The following TMCO5A variants were observed in gnomAD, a reference collection of about 807,000 sequenced individuals.
TMCO5A encodes the protein transmembrane and coiled-coil domains 5A, also known as transmembrane and coiled-coil domain-containing protein 5A.
In TMCO5A, 34 loss-of-function variants were observed where a neutral mutation model predicts 42.3. That is an observed-to-expected ratio of 0.80 (90% CI 0.61 to 1.07). TMCO5A has a LOEUF of 1.07. Among genes scored for constraint, TMCO5A ranks in the 50% least tolerant of loss-of-function variants. The pLI is 0.00. For missense variants in TMCO5A, 357 were observed against 327.9 expected (o/e 1.09, Z -0.69); for synonymous variants, 131 against 115.6 (o/e 1.13, Z -0.86).
rs766033801 is a variant in TMCO5A, at chr15:37,951,019, T to C, written c.669-17T>C. On this transcript the variant is annotated splice_polypyrimidine_tract_variant and intron_variant, in intron 11 of 11. Transcript: ENST00000319669. ...TCTAAGCTTCTGGTTAACAGTTTCA[T>C]GGCATTCTCTTTTTAGGATTTTTTG... 40 of 1,608,826 alleles carry C rather than the reference T, an allele frequency of 2.5e-5. No individual in the cohort carries two copies. The highest frequency in any genetic ancestry group is 3.3e-5 in the Non-Finnish European group (39 of 1,178,238).
chr15:37,954,979 A>G (rs1890250028), downstream of TMCO5A, among the ~76,000 whole-genome samples: 1 of 152,070 alleles, frequency 6.6e-6, no homozygotes, highest in Non-Finnish European at 1.5e-5. Flanking sequence ...AAACTAAATT[A>G]TATCACCAGA....
At chr15:37,970,409 A>G (rs1054299224), downstream of TMCO5A, among the ~76,000 whole-genome samples, 5 of 152,174 alleles carry the variant, frequency 3.3e-5, no homozygotes, top group African/African-American at 9.7e-5. Context: ...ACTATCTCCC[A>G]CCAGGTCCCT....
chr15:38,002,654 T>C, the TMCO5A span, among the ~76,000 whole-genome samples: 1 of 152,154 alleles, frequency 6.6e-6, no homozygotes, highest in Non-Finnish European at 1.5e-5. Flanking sequence ...TGTTCTTTAG[T>C]ATGTCAATTG....
intron 3 of TMCO5A, 108 bp downstream of exon 3, chr15:37,936,571 G>A: frequency 2.2e-6 from 3 of 1,374,542 alleles, no homozygotes; most frequent in Non-Finnish European, 2.0e-6. Flanking sequence ...ACCTTGTGTG[G>A]CAAAAAGTTA....
the TMCO5A span, among the ~76,000 whole-genome samples, chr15:38,017,668 C>T: frequency 6.6e-6 from 1 of 152,094 alleles, no homozygotes; most frequent in Non-Finnish European, 1.5e-5. Context: ...GAAAACACAG[C>T]TTTTAGAAGT....
At chr15:37,999,218 T>C in the TMCO5A span, among the ~76,000 whole-genome samples, 2 of 152,230 alleles carry the variant, frequency 1.3e-5, no homozygotes, top group African/African-American at 4.8e-5. Context: ...ATCAGTGTTG[T>C]ATAGTTTTAA....
chr15:37,950,468 A>G (rs753637686), intron 11 of TMCO5A, among the ~76,000 whole-genome samples: 8 of 152,182 alleles, frequency 5.3e-5, no homozygotes, highest in Non-Finnish European at 8.8e-5. Context: ...GATTGATATC[A>G]AGAACATGAA....
At chr15:37,968,715 T>C (rs1021740178), downstream of TMCO5A, among the ~76,000 whole-genome samples, 2 of 151,830 alleles carry the variant, frequency 1.3e-5, no homozygotes, top group Non-Finnish European at 2.9e-5. Flanking sequence ...CCCAAGTAGC[T>C]GGGGTTACAG....
At chr15:37,970,867 T>C (rs552947487), downstream of TMCO5A, among the ~76,000 whole-genome samples, 1 of 152,358 alleles carries the variant, frequency 6.6e-6, no homozygotes, top group Non-Finnish European at 1.5e-5. Context: ...TTTCCCATAG[T>C]CTTGGGCAGC....
chr15:38,010,062 A>T, the TMCO5A span, among the ~76,000 whole-genome samples: 4 of 151,996 alleles, frequency 2.6e-5, no homozygotes, highest in African/African-American at 9.7e-5. Context: ...CCTAAACTCA[A>T]TTGCAGGTAT....
chr15:37,942,088 A>T lies in TMCO5A; in HGVS notation c.505-103A>T, dbSNP rs959513006. 14 of 1,076,716 alleles carry T rather than the reference A, an allele frequency of 1.3e-5. No individual in the cohort carries two copies. The Admixed American group carries it at 2.0e-4, about 15-fold the overall frequency. 66.7% of individuals were successfully genotyped at this position (1,076,716 alleles called of 1,614,324 possible). ...AAGCAGAGAAAGTGGCAGTGGGAAT[A>T]CCAAGCATTCATGGTATCATGTAAT... On this transcript the variant is annotated intron_variant, in intron 8 of 11. Coordinates refer to ENST00000319669, the MANE Select transcript of TMCO5A (RefSeq NM_152453.4).
chr15:37,951,919 G>A (rs1034597923), downstream of TMCO5A, among the ~76,000 whole-genome samples: 1 of 152,072 alleles, frequency 6.6e-6, no homozygotes, highest in Admixed American at 6.6e-5. Flanking sequence ...CAGCAAGGGT[G>A]TGGTGTGGAG....
chr15:38,005,949 C>A, the TMCO5A span, among the ~76,000 whole-genome samples: 3 of 152,174 alleles, frequency 2.0e-5, no homozygotes, highest in Non-Finnish European at 2.9e-5. Flanking sequence ...TAGGAACAAA[C>A]CCCCTTCCAA....
chr15:37,980,682 A>ATGG, the TMCO5A span, among the ~76,000 whole-genome samples: 13 of 148,852 alleles, frequency 8.7e-5, no homozygotes, highest in African/African-American at 3.2e-4. Context: ...CTTTCTTTCT[A>ATGG]CACTGAATGG....
chr15:37,972,516 T>C (rs1010260053), downstream of TMCO5A, among the ~76,000 whole-genome samples: 1 of 152,250 alleles, frequency 6.6e-6, no homozygotes, highest in Non-Finnish European at 1.5e-5. Flanking sequence ...GGTTTTGATT[T>C]ACATTTCTCT....
chr15:37,958,913 T>C (rs569016196), intron 11 of TMCO5A, among the ~76,000 whole-genome samples: 13 of 152,202 alleles, frequency 8.5e-5, no homozygotes, highest in Non-Finnish European at 1.6e-4. Context: ...ATGTGGCACA[T>C]ATACACCATG....
At chr15:37,957,357 C>A (rs540696617) in intron 11 of TMCO5A, among the ~76,000 whole-genome samples, 1 of 152,108 alleles carries the variant, frequency 6.6e-6, no homozygotes, top group East Asian at 1.9e-4. Flanking sequence ...GTCTCAGCCC[C>A]AAATCTCCTT....
rs1216480749 is a variant in TMCO5A at position 37,936,778 on chromosome 15, A to G, written c.141-69A>G. 5 of 1,594,244 alleles carry G rather than the reference A, an allele frequency of 3.1e-6. No individual in the cohort carries two copies. In the African/African-American group the frequency reaches 5.4e-5, roughly 17 times the overall value. On this transcript the variant is annotated intron_variant, in intron 3 of 11. Coordinates refer to ENST00000319669, the MANE Select transcript of TMCO5A (RefSeq NM_152453.4). ...TGTCCCTGAAGTTCCCTTATATCTG[A>G]AATCTGTGTTTTATCAGTTCTGAAA...
At chr15:37,942,712 T>A (rs1163855750) in intron 9 of TMCO5A, 1 of 162,262 alleles carries the variant, frequency 6.2e-6, no homozygotes, top group East Asian at 1.8e-4. Context: ...TACCACATTA[T>A]ATAAATCAGA....
Sources: gnomAD v4.1 joint callset for allele counts (sites outside exome capture counted in the v4.1 genomes callset) on GRCh38, gnomAD v4.1.1 for gene constraint, MANE v1.5 for transcripts, NCBI Gene and HGNC (gene_info 2026-07-23, HGNC 2026-07-21) for gene names.